Variants in MSH4 observed in about 807,000 individuals in gnomAD.
The protein encoded by MSH4 is mutS protein homolog 4.
MSH4 carries 106 observed loss-of-function variants against 113.7 expected under a neutral mutation model. The ratio of observed to expected loss-of-function variants is 0.93; its 90% CI spans 0.80 to 1.10. MSH4 has a LOEUF of 1.10. MSH4 is among the 50% of genes least tolerant of loss of function. MSH4 has a pLI of 0.00. For missense variants in MSH4, 1,061 were observed against 1,093.7 expected, an observed-to-expected ratio of 0.97 and a Z score of 0.42; for synonymous variants, 368 against 380.2, an observed-to-expected ratio of 0.97 and a Z score of 0.37.
chr1:75,879,266 A>G, intron 12 of MSH4, 138 bp downstream of exon 12: 1 of 702,838 alleles, frequency 1.4e-6, no homozygotes, highest in Non-Finnish European at 2.4e-6. Context: ...CACCCACCTA[A>G]CTAATGTACT....
chr1:75,905,827 T>C (rs1652615462), intron 19 of MSH4, among the ~76,000 whole-genome samples: 1 of 152,104 alleles, frequency 6.6e-6, no homozygotes, highest in Non-Finnish European at 1.5e-5. Context: ...TTTTACAGTC[T>C]TTGACTTGAA....
chr1:75,827,003 G>A (rs1479249076), intron 7 of MSH4, among the ~76,000 whole-genome samples: 1 of 152,090 alleles, frequency 6.6e-6, no homozygotes, highest in African/African-American at 2.4e-5. Context: ...TTCAAGTCTT[G>A]AATATCCTTG....
At chr1:75,834,788 G>A (rs1361574922) in intron 7 of MSH4, among the ~76,000 whole-genome samples, 1 of 152,144 alleles carries the variant, frequency 6.6e-6, no homozygotes, top group African/African-American at 2.4e-5. Context: ...TGGGGTCAGG[G>A]GATGGGGGAG....
At chr1:75,905,905 T>G (rs1347386486) in intron 19 of MSH4, among the ~76,000 whole-genome samples, 1 of 152,194 alleles carries the variant, frequency 6.6e-6, no homozygotes, top group Non-Finnish European at 1.5e-5. Flanking sequence ...CTGGAATATC[T>G]TCTTCCATCC....
intron 8 of MSH4, among the ~76,000 whole-genome samples, chr1:75,858,961 A>T (rs1473852112): frequency 6.6e-6 from 1 of 152,190 alleles, no homozygotes; most frequent in Admixed American, 6.5e-5. Context: ...TGGTCTATTC[A>T]GAGATTTACC....
Position 75,803,671 on chromosome 1 carries a change from CTA to C in MSH4, c.245-59_245-58del, listed in dbSNP as rs1649991789. 2.6e-5 allele frequency: 31 copies of C among 1,187,296 alleles called. 1 individual carries two copies. The South Asian group carries it at 5.1e-4, about 19-fold the overall frequency. 73.5% of individuals were successfully genotyped at this position (1,187,296 alleles called of 1,614,324 possible). On this transcript the variant is annotated intron_variant, in intron 1 of 19. Transcript: ENST00000263187. Reference sequence around the variant, plus strand: ...GTGAACATGGTATAAATTATAATGACTAATACATCATTGCATAATTCAAATCT... The same window carrying C: ...GTGAACATGGTATAAATTATAATGACATACATCATTGCATAATTCAAATCT...
intron 15 of MSH4, among the ~76,000 whole-genome samples, chr1:75,885,059 G>GTGTGTGTGTA (rs1300289205): frequency 7.1e-5 from 8 of 112,554 alleles, no homozygotes; most frequent in Admixed American, 9.8e-5. Context: ...GTGTGTGTGT[G>GTGTGTGTGTA]TATATATATA....
intron 8 of MSH4, 58 bp from the exon 9 acceptor site, chr1:75,867,456 C>G (rs1394036686): frequency 2.2e-6 from 2 of 915,556 alleles, no homozygotes; most frequent in Admixed American, 2.1e-5. Flanking sequence ...AGAGGAAAAC[C>G]CATTGTTCTA....
In MSH4 at chr1:75,845,585, G is replaced by A. The variant is rs140617913; in HGVS notation, c.1163-2624G>A. On this transcript the variant is annotated intron_variant, in intron 7 of 19. Coordinates refer to ENST00000263187, the MANE Select transcript of MSH4 (RefSeq NM_002440.4). ...CAGGGGCACAGTGGGGAAGAAGTAGGGCTCTCAAGGCCTCAGGCAGCGTCA... is the reference window on the plus strand; with the variant it reads ...CAGGGGCACAGTGGGGAAGAAGTAGAGCTCTCAAGGCCTCAGGCAGCGTCA... 1.8e-3 allele frequency among the ~76,000 whole-genome samples: 277 copies of A among 152,244 alleles called. 1 individual carries two copies. Among genetic ancestry groups the A allele is most frequent in the African/African-American group, 6.2e-3 (257 of 41,548 alleles).
At position 75,885,955 on chromosome 1, in the gene MSH4, A is replaced by G. The variant is rs1247145751; in HGVS notation, c.2107+2134A>G. ...TTATATAACATATATAATATATATG[A>G]TGTATTATATAGCATGTATAGTATA... On this transcript the variant is annotated intron_variant, in intron 15 of 19. Coordinates refer to ENST00000263187, the MANE Select transcript of MSH4 (RefSeq NM_002440.4). 1.7e-4 allele frequency among the ~76,000 whole-genome samples: 20 copies of G among 115,788 alleles called. 1 individual carries two copies. The highest frequency in any genetic ancestry group is 3.1e-4 in the Non-Finnish European group (19 of 60,692). The allele number at this position is 115,788 out of a possible 152,430, so 76.0% of individuals were successfully genotyped here.
intron 7 of MSH4, among the ~76,000 whole-genome samples, chr1:75,830,030 A>G (rs1342131268): frequency 2.6e-5 from 4 of 152,150 alleles, no homozygotes; most frequent in Non-Finnish European, 5.9e-5. Context: ...CAAAGAAGCT[A>G]AAAACTTTGA....
intron 17 of MSH4, among the ~76,000 whole-genome samples, chr1:75,892,702 C>T (rs768112583): frequency 1.3e-4 from 20 of 152,164 alleles, no homozygotes; most frequent in Non-Finnish European, 2.2e-4. Flanking sequence ...CTCGGGCCCC[C>T]ACCCAAGGGA....
chr1:75,888,381 T>A (rs1652173022), intron 15 of MSH4, among the ~76,000 whole-genome samples: 1 of 151,968 alleles, frequency 6.6e-6, no homozygotes, highest in African/African-American at 2.4e-5. Context: ...TCAGATTGAT[T>A]TGTTTTCAAA....
intron 7 of MSH4, among the ~76,000 whole-genome samples, chr1:75,826,351 C>T (rs1650552819): frequency 6.6e-6 from 1 of 152,090 alleles, no homozygotes; most frequent in African/African-American, 2.4e-5. Flanking sequence ...TGATTCTTCT[C>T]CCTTTTCTTC....
chr1:75,819,564 G>A (rs996684415), intron 6 of MSH4, among the ~76,000 whole-genome samples: 1 of 152,142 alleles, frequency 6.6e-6, no homozygotes, highest in African/African-American at 2.4e-5. Flanking sequence ...AATCATGTCC[G>A]TCTTATATGC....
At chr1:75,890,653 C>A in intron 16 of MSH4, 43 bp from the exon 17 acceptor site, 1 of 1,061,118 alleles carries the variant, frequency 9.4e-7, no homozygotes, top group Non-Finnish European at 1.3e-6. Flanking sequence ...ATATTGACAG[C>A]TGTTTGGTTA....
intron 8 of MSH4, among the ~76,000 whole-genome samples, chr1:75,865,596 A>G (rs1651545836): frequency 6.6e-6 from 1 of 152,208 alleles, no homozygotes; most frequent in South Asian, 2.1e-4. Flanking sequence ...GTTGGGCAGG[A>G]AGTAAAACAC....
At position 75,867,514 on chromosome 1, in the gene MSH4, G is replaced by A. The variant is rs1183024411; in HGVS notation, c.1231G>A (p.Val411Ile). The change falls in exon 9 of 20, where the codon GTC becomes ATC. Residue 411 changes from valine (V) to isoleucine (I), a missense_variant and splice_region_variant. Val to Ile is a conservative substitution (Grantham distance 29). Coordinates refer to ENST00000263187, the MANE Select transcript of MSH4 (RefSeq NM_002440.4). Reference protein sequence around the residue: ...VLVQIPKQDTVNAAESKITNL... With the variant: ...VLVQIPKQDTINAAESKITNL... ...CAAATTTGGGTTTTTATCTTAACAGGTCAATGCTGCTGAATCAAAGATAAC... is the reference window on the plus strand; with the variant it reads ...CAAATTTGGGTTTTTATCTTAACAGATCAATGCTGCTGAATCAAAGATAAC... The A allele has an allele frequency of 1.3e-6, 2 of 1,582,314 alleles. No individual in the cohort carries two copies. The highest frequency in any genetic ancestry group is 8.6e-7 in the Non-Finnish European group (1 of 1,160,534).
At chr1:75,815,671 A>G (rs1310256063) in intron 5 of MSH4, among the ~76,000 whole-genome samples, 4 of 152,150 alleles carry the variant, frequency 2.6e-5, no homozygotes. Flanking sequence ...AATAACAATC[A>G]TTATTCTCAC....
Sources: gnomAD v4.1 joint callset for allele counts (sites outside exome capture counted in the v4.1 genomes callset) on GRCh38, gnomAD v4.1.1 for gene constraint, MANE v1.5 for transcripts, NCBI Gene and HGNC (gene_info 2026-07-23, HGNC 2026-07-21) for gene names.